WDR3: variants seen among roughly 807,000 people sequenced by gnomAD.
WDR3 encodes WD repeat-containing protein 3.
In WDR3, 81 loss-of-function variants were observed where a neutral mutation model predicts 123.7. The ratio of observed to expected loss-of-function variants is 0.65; its 90% CI spans 0.55 to 0.79. WDR3 has a LOEUF of 0.79. WDR3 is among the 30% of genes least tolerant of loss of function. The probability of loss-of-function intolerance (pLI) is 0.00; values close to 1 mark genes in which losing one functional copy is unlikely to be tolerated. For synonymous variants in WDR3, 390 were observed against 388.8 expected (o/e 1.00, Z -0.04); for missense variants, 1,027 against 1,123.2 (o/e 0.91, Z 1.22).
intron 11 of WDR3, among the ~76,000 whole-genome samples, chr1:117,945,549 A>T (rs1651351184): frequency 6.6e-6 from 1 of 152,122 alleles, no homozygotes; most frequent in South Asian, 2.1e-4. Context: ...GATATACCAA[A>T]TATTTAGATA....
chr1:117,940,861 T>G lies in WDR3; in HGVS notation c.710T>G (p.Ile237Ser). 1 of 1,613,560 alleles carries G rather than the reference T, an allele frequency of 6.2e-7. No homozygotes were observed. Among genetic ancestry groups the G allele is most frequent in the Non-Finnish European group, 8.5e-7 (1 of 1,179,886 alleles). ...EDPEEPDPKK[I>S]KGSSPGIQDT... is the part of the protein sequence containing the mutation. ...CCGGAAGAACCAGACCCCAAGAAAATCAAAGGATCTTCTCCTGGAATACAA... is the reference window on the plus strand; with the variant it reads ...CCGGAAGAACCAGACCCCAAGAAAAGCAAAGGATCTTCTCCTGGAATACAA... Residue 237 changes from isoleucine to serine, a missense_variant, in exon 7 of 27, where the codon ATC becomes AGC. Physicochemically the swap from Ile to Ser is moderately radical, Grantham distance 142 (BLOSUM62 -2). Coordinates refer to ENST00000349139, the MANE Select transcript of WDR3 (RefSeq NM_006784.3).
At position 117,958,951 on chromosome 1, in the gene WDR3, C is replaced by T. The variant is rs758293080; in HGVS notation, c.2624C>T (p.Pro875Leu). The T allele has an allele frequency of 2.5e-6, 4 of 1,613,684 alleles. No individual in the cohort carries two copies. The South Asian group carries it at 4.4e-5, about 18-fold the overall frequency. ...ATCACTAGCAATCAAATGCTTGTGCCAGTGATAGAAAAATTAAGGGAAACA... is the reference window on the plus strand; with the variant it reads ...ATCACTAGCAATCAAATGCTTGTGCTAGTGATAGAAAAATTAAGGGAAACA... ...GQITSNQMLV[P>L]VIEKLRETTI... is the part of the protein sequence containing the mutation. Residue 875 changes from proline to leucine, a missense_variant, in exon 26 of 27, where the codon CCA becomes CTA. Physicochemically the swap from Pro to Leu is moderately conservative, Grantham distance 98 (BLOSUM62 -3). Coordinates refer to ENST00000349139, the MANE Select transcript of WDR3 (RefSeq NM_006784.3).
chr1:117,942,161 C>T (rs1393243364), intron 9 of WDR3, among the ~76,000 whole-genome samples: 2 of 152,180 alleles, frequency 1.3e-5, no homozygotes, highest in Non-Finnish European at 2.9e-5. Context: ...GTTGGAATTA[C>T]AAGGACCTTG....
Position 117,960,019 on chromosome 1 carries a change from GT to G in WDR3, c.*575del, listed in dbSNP as rs1557833805. ...TATAAGAAGATTCTAATTGCTAACTGTTTATACTTTTCTGAATAAAATAGTT... is the reference window on the plus strand; with the variant it reads ...TATAAGAAGATTCTAATTGCTAACTGTTATACTTTTCTGAATAAAATAGTT... On this transcript the variant is annotated 3_prime_UTR_variant, in exon 27 of 27. Transcript: ENST00000349139. 6.6e-6 allele frequency: 1 copy of G among 151,942 alleles called. No homozygotes were observed. Among genetic ancestry groups the G allele is most frequent in the East Asian group, 1.9e-4 (1 of 5,168 alleles). The allele number at this position is 151,942 out of a possible 1,614,324, so 9.4% of individuals were successfully genotyped here.
At chr1:117,937,268 G>A (rs192395927) in intron 4 of WDR3, among the ~76,000 whole-genome samples, 4 of 152,230 alleles carry the variant, frequency 2.6e-5, no homozygotes, top group Admixed American at 2.6e-4. Context: ...GAGGAGAGAT[G>A]TACTGTACTT....
In WDR3 at chr1:117,952,096, A is replaced by T. The variant is rs1041016613; in HGVS notation, c.1904+20A>T. ...TGACAGGTATGTATAGTCTTTTCAAATGTCTCCCTTTGAGTCACCTGTAAG... is the reference window on the plus strand; with the variant it reads ...TGACAGGTATGTATAGTCTTTTCAATTGTCTCCCTTTGAGTCACCTGTAAG... On this transcript the variant is annotated intron_variant, in intron 17 of 26. Transcript: ENST00000349139. The T allele has an allele frequency of 1.2e-6, 2 of 1,607,200 alleles. No homozygotes were observed. Among genetic ancestry groups the T allele is most frequent in the South Asian group, 1.1e-5 (1 of 90,518 alleles).
intron 12 of WDR3, among the ~76,000 whole-genome samples, chr1:117,946,489 AATTAAATATATTAAGT>A (rs1318619423): frequency 6.6e-6 from 1 of 152,140 alleles, no homozygotes; most frequent in Non-Finnish European, 1.5e-5. Flanking sequence ...TAAGGGTAAT[AATTAAATATATTAAGT>A]ACCTAATATC....
chr1:117,957,523 A>G (rs1652394243), intron 25 of WDR3, among the ~76,000 whole-genome samples: 1 of 152,234 alleles, frequency 6.6e-6, no homozygotes, highest in Non-Finnish European at 1.5e-5. Flanking sequence ...CTCTGGTTCT[A>G]GTCAGTTTGC....
rs571798793 is a variant in WDR3, at chr1:117,961,710, A to G, written c.*2263A>G. The G allele has an allele frequency of 6.6e-6, 1 of 152,254 alleles. No homozygotes were observed. The highest frequency in any genetic ancestry group is 1.5e-5 in the Non-Finnish European group (1 of 68,016). 9.4% of individuals were successfully genotyped at this position (152,254 alleles called of 1,614,324 possible). On this transcript the variant is annotated 3_prime_UTR_variant, in exon 27 of 27. Coordinates refer to ENST00000349139, the MANE Select transcript of WDR3 (RefSeq NM_006784.3). ...GTCTTAATGTTCTTGAGCATAACACAATCACTGAAGTGAGTAAGGGATGCA... is the reference window on the plus strand; with the variant it reads ...GTCTTAATGTTCTTGAGCATAACACGATCACTGAAGTGAGTAAGGGATGCA...
chr1:117,933,439 A>C lies in WDR3; in HGVS notation c.120A>C (p.Ala40=), dbSNP rs756774162. 1 of 1,614,234 alleles carries C rather than the reference A, an allele frequency of 6.2e-7. No individual in the cohort carries two copies. The highest frequency in any genetic ancestry group is 1.7e-5 in the Admixed American group (1 of 60,030). The part of the protein sequence containing the change: ...TLRGEKGRYV[A]VPACEHVFIW... ...GTGGTGAGAAAGGACGTTATGTGGC[A>C]GTACCAGCTTGTGAACACGTTTTCA... The change falls in exon 2 of 27, where the codon GCA becomes GCC. Residue 40 remains alanine, a synonymous_variant. Coordinates refer to ENST00000349139, the MANE Select transcript of WDR3 (RefSeq NM_006784.3).
chr1:117,942,569 G>A, intron 10 of WDR3, 25 bp downstream of exon 10: 8 of 1,591,108 alleles, frequency 5.0e-6, no homozygotes, highest in Non-Finnish European at 6.9e-6. Context: ...ATTATCTGAA[G>A]TTATAGAAAT....
At chr1:117,935,937 ACT>A (rs1182991511) in intron 3 of WDR3, among the ~76,000 whole-genome samples, 1 of 152,014 alleles carries the variant, frequency 6.6e-6, no homozygotes, top group Non-Finnish European at 1.5e-5. Flanking sequence ...AAGAGATGAC[ACT>A]CTAAGAATGA....
In WDR3 at chr1:117,934,479, A is replaced by G. The variant is rs781519971; in HGVS notation, c.178A>G (p.Ile60Val). 5 of 1,613,736 alleles carry G rather than the reference A, an allele frequency of 3.1e-6. No individual in the cohort carries two copies. Among genetic ancestry groups the G allele is most frequent in the South Asian group, 2.2e-5 (2 of 91,058 alleles). ...WDLRKGEKIL[I>V]LQGLKQEVTC... The stretch of plus-strand genomic sequence containing the variant: ...TTAATTTTTATGATTTCAGATTCTT[A>G]TCCTTCAGGGGCTTAAACAAGAAGT... The change falls in exon 3 of 27, where the codon ATC becomes GTC. Residue 60 changes from isoleucine (I) to valine (V), a missense_variant. By Grantham distance (29) the Ile-to-Val change is conservative (BLOSUM62 3). Coordinates refer to ENST00000349139, the MANE Select transcript of WDR3 (RefSeq NM_006784.3).
In WDR3 at chr1:117,964,571, G is replaced by T. The variant is rs1218091618; in HGVS notation, c.*5124G>T. On this transcript the variant is annotated 3_prime_UTR_variant, in exon 27 of 27. Transcript: ENST00000349139. ...ACTCAAAGGAAGAGAAAAAGGGAGG[G>T]GAGGAAGGTGAGAGGAAGGGAGAGA... The T allele has an allele frequency of 2.0e-5, 3 of 152,046 alleles. No homozygotes were observed. The highest frequency in any genetic ancestry group is 2.9e-5 in the Non-Finnish European group (2 of 68,032). 9.4% of individuals were successfully genotyped at this position (152,046 alleles called of 1,614,324 possible).
chr1:117,956,323 T>C (rs1318898249), intron 24 of WDR3, among the ~76,000 whole-genome samples: 1 of 152,186 alleles, frequency 6.6e-6, no homozygotes, highest in African/African-American at 2.4e-5. Context: ...TGTTATATTA[T>C]TTGTGATTTT....
chr1:117,941,050 A>G, intron 7 of WDR3, 74 bp from the exon 8 acceptor site: 3 of 1,590,402 alleles, frequency 1.9e-6, no homozygotes, highest in Admixed American at 1.7e-5. Flanking sequence ...ACTTGCACTT[A>G]TTAGAATTAT....
intron 25 of WDR3, among the ~76,000 whole-genome samples, chr1:117,958,572 T>C (rs568105332): frequency 6.6e-6 from 1 of 152,314 alleles, no homozygotes; most frequent in South Asian, 2.1e-4. Context: ...TTTGTTAAGT[T>C]AGCATTTCTT....
At chr1:117,943,263 C>G (rs1230633800) in intron 10 of WDR3, 133 bp from the exon 11 acceptor site, 1 of 800,540 alleles carries the variant, frequency 1.2e-6, no homozygotes, top group Non-Finnish European at 2.0e-6. Flanking sequence ...TCAGGGCACT[C>G]TTACTTGAAA....
In WDR3 at chr1:117,952,312, GT is replaced by G; in HGVS notation, c.1923del (p.Phe641LeufsTer43). The G allele has an allele frequency of 1.9e-6, 3 of 1,611,928 alleles. No individual in the cohort carries two copies. Among genetic ancestry groups the G allele is most frequent in the Non-Finnish European group, 2.5e-6 (3 of 1,178,980 alleles). On this transcript the variant is annotated frameshift_variant, in exon 18 of 27. Coordinates refer to ENST00000349139, the MANE Select transcript of WDR3 (RefSeq NM_006784.3). LOFTEE classifies it high-confidence loss of function. ...CACTTTTCAGTGTGATGTACCTACA[GT>G]TTGTACCCAAGTCTCACCTCTTCTT... Reference protein sequence around the residue: ...AHDDSVMYLQFVPKSHLFFTA... With the variant: ...AHDDSVMYLQXVPKSHLFFTA...
Sources: allele counts gnomAD v4.1 joint callset (sites outside exome capture counted in the v4.1 genomes callset), GRCh38; gene constraint gnomAD v4.1.1; transcripts MANE v1.5; gene names NCBI Gene and HGNC (gene_info 2026-07-23, HGNC 2026-07-21).